Variants in FAM83B observed in about 807,000 individuals in gnomAD.
FAM83B encodes the protein scaffolding CK1 anchoring protein B.
FAM83B carries 26 observed loss-of-function variants against 38.8 expected under a neutral mutation model. The observed-to-expected ratio is 0.67, with a 90% CI of 0.49 to 0.93. The LOEUF (loss-of-function observed/expected upper bound fraction) is 0.93. FAM83B is among the 40% of genes least tolerant of loss of function. The pLI is 0.00. For synonymous variants in FAM83B, 419 were observed against 423.1 expected (o/e 0.99, Z 0.12); for missense variants, 1,237 against 1,197.3 (o/e 1.03, Z -0.49).
rs1179098553 is a variant in FAM83B, at chr6:54,898,524, A to G, written c.444+27834A>G. ...TGAACATCGTCTTCTGGACATCCCT[A>G]CCTGAGTGTTCCATAGACCCCAAAC... is the stretch of plus-strand genomic sequence containing the variant. On this transcript the variant is annotated intron_variant, in intron 2 of 4. Transcript: ENST00000306858. Among the ~76,000 whole-genome samples the G allele has an allele frequency of 5.3e-5, 8 of 152,166 alleles. No individual in the cohort carries two copies. The East Asian group carries it at 1.4e-3, about 26-fold the overall frequency.
chr6:54,879,889 C>CA (rs1772086349), intron 2 of FAM83B, among the ~76,000 whole-genome samples: 1 of 152,096 alleles, frequency 6.6e-6, no homozygotes, highest in Non-Finnish European at 1.5e-5. Flanking sequence ...CAATAGCAAA[C>CA]AAAATGTCTT....
rs1403254994 is a variant in FAM83B, at chr6:54,940,344, A to G, written c.1373A>G (p.Asp458Gly). The G allele has an allele frequency of 6.2e-7, 1 of 1,613,996 alleles. No homozygotes were observed. The highest frequency in any genetic ancestry group is 2.2e-5 in the East Asian group (1 of 44,888). The change falls in exon 5 of 5, where the codon GAC becomes GGC. Residue 458 changes from aspartate (D) to glycine (G), a missense_variant. Asp to Gly is a moderately conservative substitution (Grantham distance 94, BLOSUM62 -1). Coordinates refer to ENST00000306858, the MANE Select transcript of FAM83B (RefSeq NM_001010872.3). ...CAGAGAAAAACAACAAATCTTGCAG[A>G]CAGGAATTCAAATGTTCGGAGGTCT... Reference protein sequence around the residue: ...LAQRKTTNLADRNSNVRRSFN... With the variant: ...LAQRKTTNLAGRNSNVRRSFN...
intron 1 of FAM83B, among the ~76,000 whole-genome samples, chr6:54,856,162 G>A (rs1254729333): frequency 6.6e-6 from 1 of 152,120 alleles, no homozygotes; most frequent in East Asian, 1.9e-4. Context: ...AGAACTTTGA[G>A]CTGCGAAGGA....
At position 54,944,914 on chromosome 6, in the gene FAM83B, A is replaced by C. The variant is rs773738117; in HGVS notation, c.*2907A>C. 5.9e-5 allele frequency: 9 copies of C among 152,166 alleles called. No individual in the cohort carries two copies. Among genetic ancestry groups the C allele is most frequent in the Non-Finnish European group, 1.2e-4 (8 of 68,028 alleles). The allele number at this position is 152,166 out of a possible 1,614,324, so 9.4% of individuals were successfully genotyped here. A position where few individuals can be genotyped will look rare whatever the true frequency, so the allele number is the denominator to read the frequency against. ...AACTTGTTAACTTTTCTTTTTTAAG[A>C]GATGGGTTTTCACTAGTATGCCCAG... is the stretch of plus-strand genomic sequence containing the variant. On this transcript the variant is annotated 3_prime_UTR_variant, in exon 5 of 5. Transcript: ENST00000306858.
In FAM83B at chr6:54,941,815, GC is replaced by G; in HGVS notation, c.2846del (p.Pro949GlnfsTer10). 5 of 1,614,036 alleles carry G rather than the reference GC, an allele frequency of 3.1e-6. No homozygotes were observed. The highest frequency in any genetic ancestry group is 4.2e-6 in the Non-Finnish European group (5 of 1,180,008). On this transcript the variant is annotated frameshift_variant, in exon 5 of 5. Transcript: ENST00000306858. LOFTEE classifies it high-confidence loss of function. ...TTTGTAAGATTGAGAGCTCTATTCA[GC>G]CAACAAGCAACATGCCAAATACCAG... ...PFCKIESSIQ[P>X]TSNMPNTSIN...
intron 2 of FAM83B, among the ~76,000 whole-genome samples, chr6:54,912,309 G>A (rs1177050502): frequency 6.6e-6 from 1 of 151,348 alleles, no homozygotes; most frequent in East Asian, 1.9e-4. Flanking sequence ...ATTTTTAGAT[G>A]TAAAATACGT....
chr6:54,861,303 C>T (rs1318275703), intron 1 of FAM83B, among the ~76,000 whole-genome samples: 1 of 152,166 alleles, frequency 6.6e-6, no homozygotes, highest in African/African-American at 2.4e-5. Flanking sequence ...ATCTGTAATC[C>T]CAGCACTTTG....
In FAM83B at chr6:54,870,397, C is replaced by T. The variant is rs761383368; in HGVS notation, c.151C>T (p.Arg51Ter). 7 of 1,613,858 alleles carry T rather than the reference C, an allele frequency of 4.3e-6. No individual in the cohort carries two copies. Among genetic ancestry groups the T allele is most frequent in the Admixed American group, 1.7e-5 (1 of 59,980 alleles). The part of the protein sequence containing the change: ...EAYQEFLVQE[R>*]VSDFLAEEEI... Reference sequence around the variant, plus strand: ...ATACCAAGAATTTCTTGTCCAGGAACGAGTTTCAGACTTTCTTGCTGAGGA... The same window carrying T: ...ATACCAAGAATTTCTTGTCCAGGAATGAGTTTCAGACTTTCTTGCTGAGGA... The change falls in exon 2 of 5, where the codon CGA (arginine) becomes TGA (stop). Residue 51 changes from arginine to a stop codon, truncating the protein, a stop_gained. Coordinates refer to ENST00000306858, the MANE Select transcript of FAM83B (RefSeq NM_001010872.3). LOFTEE classifies it high-confidence loss of function.
intron 2 of FAM83B, among the ~76,000 whole-genome samples, chr6:54,899,478 A>G (rs1421003374): frequency 6.6e-6 from 1 of 152,218 alleles, no homozygotes; most frequent in African/African-American, 2.4e-5. Flanking sequence ...TCATCTGTTC[A>G]GGACTGCTAT....
chr6:54,851,496 A>C (rs945005671), intron 1 of FAM83B, among the ~76,000 whole-genome samples: 1 of 151,836 alleles, frequency 6.6e-6, no homozygotes, highest in Non-Finnish European at 1.5e-5. Flanking sequence ...TTTTTGTGAC[A>C]CAGTCTCACT....
intron 2 of FAM83B, among the ~76,000 whole-genome samples, chr6:54,884,214 C>G (rs549079959): frequency 1.3e-5 from 2 of 149,332 alleles, no homozygotes; most frequent in South Asian, 2.1e-4. Context: ...AGGCAGGAGA[C>G]TCGCTTGAAT....
Position 54,941,441 on chromosome 6 carries a change from G to C in FAM83B, c.2470G>C (p.Val824Leu). The C allele has an allele frequency of 6.2e-7, 1 of 1,613,112 alleles. No individual in the cohort carries two copies. The highest frequency in any genetic ancestry group is 8.5e-7 in the Non-Finnish European group (1 of 1,179,802). Residue 824 changes from valine to leucine, a missense_variant, in exon 5 of 5, where the codon GTT (valine) becomes CTT (leucine). Physicochemically the swap from Val to Leu is conservative, Grantham distance 32. Coordinates refer to ENST00000306858, the MANE Select transcript of FAM83B (RefSeq NM_001010872.3). ...AAAACCAAAGAAATCAGACACAAAA[G>C]TTGATTCATCTCCTAGAAGAAAGCA... is the stretch of plus-strand genomic sequence containing the variant. ...NQKPKKSDTK[V>L]DSSPRRKHSS...
rs1773748078 is a variant in FAM83B, at chr6:54,943,515, A to C, written c.*1508A>C. ...TGGAGCAGTATACTGTTGTTTTAAA[A>C]ATGCAAGATTCAGACAAATTTTAAT... On this transcript the variant is annotated 3_prime_UTR_variant, in exon 5 of 5. Coordinates refer to ENST00000306858, the MANE Select transcript of FAM83B (RefSeq NM_001010872.3). 1 of 152,178 alleles carries C rather than the reference A, an allele frequency of 6.6e-6. No individual in the cohort carries two copies. Among genetic ancestry groups the C allele is most frequent in the African/African-American group, 2.4e-5 (1 of 41,448 alleles). The allele number at this position is 152,178 out of a possible 1,614,324, so 9.4% of individuals were successfully genotyped here. A position where few individuals can be genotyped will look rare whatever the true frequency, so the allele number is the denominator to read the frequency against.
At chr6:54,902,231 T>C (rs1581911609) in intron 2 of FAM83B, among the ~76,000 whole-genome samples, 3 of 152,302 alleles carry the variant, frequency 2.0e-5, no homozygotes, top group Middle Eastern at 6.8e-3. Context: ...TGCAAATTTA[T>C]AAATTATGGA....
chr6:54,854,932 A>G (rs1479575283), intron 1 of FAM83B, among the ~76,000 whole-genome samples: 1 of 152,178 alleles, frequency 6.6e-6, no homozygotes, highest in Admixed American at 6.5e-5. Flanking sequence ...TTTCTTCACA[A>G]TGGAACACGT....
chr6:54,877,329 T>C (rs1772021391), intron 2 of FAM83B, among the ~76,000 whole-genome samples: 1 of 152,222 alleles, frequency 6.6e-6, no homozygotes, highest in Admixed American at 6.5e-5. Flanking sequence ...GATATTACTT[T>C]ACTTGTCTGT....
intron 2 of FAM83B, among the ~76,000 whole-genome samples, chr6:54,924,704 T>C (rs552730937): frequency 6.6e-6 from 1 of 152,050 alleles, no homozygotes; most frequent in Admixed American, 6.6e-5. Context: ...TTTTTCTCCC[T>C]TTTCTCTCAT....
chr6:54,861,151 C>CGTT (rs552133256), intron 1 of FAM83B, among the ~76,000 whole-genome samples: 4 of 152,266 alleles, frequency 2.6e-5, no homozygotes, highest in Middle Eastern at 3.4e-3. Context: ...TGTTACCTTC[C>CGTT]GTTATTAAGG....
At position 54,942,944 on chromosome 6, in the gene FAM83B, C is replaced by T. The variant is rs1315493327; in HGVS notation, c.*937C>T. On this transcript the variant is annotated 3_prime_UTR_variant, in exon 5 of 5. Transcript: ENST00000306858. ...TTGAGATGGAGTCTCGCTCTGTCAC[C>T]CAGGCTAGAGTGCAGTGGCGCAATC... Among the ~76,000 whole-genome samples the T allele has an allele frequency of 3.3e-5, 5 of 151,826 alleles. No homozygotes were observed. The highest frequency in any genetic ancestry group is 9.7e-5 in the African/African-American group (4 of 41,360).
Sources: gnomAD v4.1 joint callset for allele counts (sites outside exome capture counted in the v4.1 genomes callset) on GRCh38, gnomAD v4.1.1 for gene constraint, MANE v1.5 for transcripts, NCBI Gene and HGNC (gene_info 2026-07-23, HGNC 2026-07-21) for gene names.